The following ASF1B variants were observed in gnomAD, a reference collection of about 807,000 sequenced individuals.
ASF1B encodes histone chaperone ASF1B.
A neutral mutation model predicts 16.6 loss-of-function variants in ASF1B; 10 were observed. The ratio of observed to expected loss-of-function variants is 0.60; its 90% confidence interval spans 0.37 to 1.02. The LOEUF (loss-of-function observed/expected upper bound fraction) is 1.02. Ranked by LOEUF, ASF1B falls within the 50% of genes least tolerant of loss-of-function variation. The pLI is 0.01. For synonymous variants in ASF1B, 101 were observed against 106.2 expected (o/e 0.95, Z 0.30); for missense variants, 240 against 266.0 (o/e 0.90, Z 0.68).
intron 3 of ASF1B, 116 bp downstream of exon 3, chr19:14,121,416 C>G: frequency 2.6e-6 from 3 of 1,173,330 alleles, no homozygotes; most frequent in Non-Finnish European, 3.7e-6. Flanking sequence ...ACTGTAAGAA[C>G]TGAATATTAC....
chr19:14,126,275 T>A, intron 1 of ASF1B, 38 bp from the exon 2 acceptor site: 1 of 1,441,980 alleles, frequency 6.9e-7, no homozygotes, highest in Non-Finnish European at 9.7e-7. Flanking sequence ...TTGAAATAGC[T>A]CAACAGCAAG....
rs566307477 is a variant in ASF1B at position 14,126,045 on chromosome 19, G to A, written c.225+77C>T. ...TGAACTTGAACTTTTGATTCCTGAA[G>A]CACTCTGTGGGATTTCAGGTAAAAG... On this transcript the variant is annotated intron_variant, in intron 2 of 3. Coordinates refer to ENST00000263382, the MANE Select transcript of ASF1B (RefSeq NM_018154.3). The A allele has an allele frequency of 8.4e-6, 10 of 1,186,256 alleles. 1 individual carries two copies. The African/African-American group carries it at 1.1e-4, about 13-fold the overall frequency. 73.5% of individuals were successfully genotyped at this position (1,186,256 alleles called of 1,614,324 possible).
At chr19:14,133,121 A>AAAATAAATAAAT (rs150107917) in intron 1 of ASF1B, among the ~76,000 whole-genome samples, 1 of 149,188 alleles carries the variant, frequency 6.7e-6, no homozygotes, top group Admixed American at 6.7e-5. Flanking sequence ...CTCCATCTCA[A>AAAATAAATAAAT]AAATAAATAA....
At position 14,133,557 on chromosome 19, in the gene ASF1B, G is replaced by A. The variant is rs1045592098; in HGVS notation, c.109+2791C>T. 2.0e-5 allele frequency among the ~76,000 whole-genome samples: 3 copies of A among 151,648 alleles called. No individual in the cohort carries two copies. In the South Asian group the frequency reaches 6.3e-4, roughly 32 times the overall value. ...ATAGCAGGCACCTGTAATCCCAGCTGCTCGGGAGGCTGAGGCAGGAGAATC... is the reference window on the plus strand; with the variant it reads ...ATAGCAGGCACCTGTAATCCCAGCTACTCGGGAGGCTGAGGCAGGAGAATC... On this transcript the variant is annotated intron_variant, in intron 1 of 3. Coordinates refer to ENST00000263382, the MANE Select transcript of ASF1B (RefSeq NM_018154.3).
Position 14,120,353 on chromosome 19 carries a change from G to C in ASF1B, c.*106C>G, listed in dbSNP as rs907515083. 3.0e-5 allele frequency: 34 copies of C among 1,125,162 alleles called. No homozygotes were observed. The highest frequency in any genetic ancestry group is 4.1e-5 in the Non-Finnish European group (32 of 781,560). 69.7% of individuals were successfully genotyped at this position (1,125,162 alleles called of 1,614,324 possible). The stretch of plus-strand genomic sequence containing the variant: ...CCTAGGGGCTGAGTTTGACAGACCT[G>C]GATTGCAGCTGATGGCCCCCAAAGT... On this transcript the variant is annotated 3_prime_UTR_variant, in exon 4 of 4. Transcript: ENST00000263382.
Position 14,121,637 on chromosome 19 carries a change from G to A in ASF1B, c.297C>T (p.Cys99=). ...AVGVTVVLIT[C]TYHGQEFIRV... ...GGATGAACTCCTGTCCATGGTAGGT[G>A]CAGGTGATGAGGACCACAGTCACAC... The change falls in exon 3 of 4, where the codon TGC becomes TGT. Residue 99 remains cysteine (C), a synonymous_variant. Transcript: ENST00000263382. 6.2e-7 allele frequency: 1 copy of A among 1,613,958 alleles called. No individual in the cohort carries two copies. Among genetic ancestry groups the A allele is most frequent in the Non-Finnish European group, 8.5e-7 (1 of 1,179,982 alleles).
intron 1 of ASF1B, among the ~76,000 whole-genome samples, chr19:14,133,866 C>T (rs1967445319): frequency 7.4e-6 from 1 of 135,940 alleles, no homozygotes; most frequent in Admixed American, 7.8e-5. Flanking sequence ...TGCAGTGGCG[C>T]GATCTCGGCT....
chr19:14,121,575 G>A lies in ASF1B; in HGVS notation c.359C>T (p.Pro120Leu). Residue 120 changes from proline (P) to leucine (L), a missense_variant, in exon 3 of 4, where the codon CCT becomes CTT. By Grantham distance (98) the Pro-to-Leu change is moderately conservative. Transcript: ENST00000263382. ...GYYVNNEYLN[P>L]ELRENPPMKP... is the part of the protein sequence containing the mutation. ...CATGGGCGGGTTCTCACGCAGCTCA[G>A]GGTTGAGGTACTCGTTGTTGACGTA... 6.2e-7 allele frequency: 1 copy of A among 1,614,086 alleles called. No homozygotes were observed. The highest frequency in any genetic ancestry group is 8.5e-7 in the Non-Finnish European group (1 of 1,180,026).
intron 1 of ASF1B, among the ~76,000 whole-genome samples, chr19:14,130,787 G>GTGTATATATATATATATA (rs141600762): frequency 3.7e-4 from 53 of 142,452 alleles, no homozygotes; most frequent in African/African-American, 1.3e-3. Context: ...GTGTTTGTGT[G>GTGTATATATATATATATA]TATATATATA....
intron 2 of ASF1B, 146 bp from the exon 3 acceptor site, chr19:14,121,854 G>C: frequency 1.4e-6 from 1 of 709,008 alleles, no homozygotes; most frequent in Non-Finnish European, 2.2e-6. Context: ...TGCCTCTCGG[G>C]TTCAAACAAT....
chr19:14,130,667 C>T (rs144281038), intron 1 of ASF1B, among the ~76,000 whole-genome samples: 1 of 151,944 alleles, frequency 6.6e-6, no homozygotes, highest in East Asian at 1.9e-4. Flanking sequence ...GTACACATGA[C>T]GTGTGTACCT....
At chr19:14,135,827 A>T (rs1390437000) in intron 1 of ASF1B, among the ~76,000 whole-genome samples, 1 of 151,798 alleles carries the variant, frequency 6.6e-6, no homozygotes, top group Non-Finnish European at 1.5e-5. Context: ...GTATCTCACT[A>T]CAGGAAAGAG....
At chr19:14,126,893 C>T (rs1967326675) in intron 1 of ASF1B, among the ~76,000 whole-genome samples, 1 of 152,164 alleles carries the variant, frequency 6.6e-6, no homozygotes, top group South Asian at 2.1e-4. Context: ...AGGTGTGAGC[C>T]ACTGCGCCCG....
Position 14,136,587 on chromosome 19 carries a change from T to G in ASF1B, c.-131A>C, listed in dbSNP as rs920273741. ...CGCCTCTTCTCTCCGAGAACTGAAG[T>G]GCGCACCTAGTCCGCGCGCCGCCTT... On this transcript the variant is annotated 5_prime_UTR_variant, in exon 1 of 4. Coordinates refer to ENST00000263382, the MANE Select transcript of ASF1B (RefSeq NM_018154.3). 2.2e-5 allele frequency: 15 copies of G among 671,782 alleles called. No individual in the cohort carries two copies. The East Asian group carries it at 4.1e-4, about 18-fold the overall frequency. 41.6% of individuals were successfully genotyped at this position (671,782 alleles called of 1,614,324 possible).
chr19:14,120,554 A>G lies in ASF1B; in HGVS notation c.514T>C (p.Cys172Arg). Residue 172 changes from cysteine to arginine, a missense_variant, in exon 4 of 4, where the codon TGC (cysteine) becomes CGC (arginine). Cys to Arg is a radical substitution (Grantham distance 180). Coordinates refer to ENST00000263382, the MANE Select transcript of ASF1B (RefSeq NM_018154.3). ...GGAGTGCAGTTGAGTGGGAGGCCGC[A>G]GCCCAGGGAGGGGTCCTGGGTCTCT... Reference protein sequence around the residue: ...AIETQDPSLGCGLPLNCTPIK... With the variant: ...AIETQDPSLGRGLPLNCTPIK... 1.2e-6 allele frequency: 2 copies of G among 1,613,648 alleles called. No homozygotes were observed. Among genetic ancestry groups the G allele is most frequent in the Non-Finnish European group, 1.7e-6 (2 of 1,179,738 alleles).
chr19:14,129,618 T>C (rs894928067), intron 1 of ASF1B, among the ~76,000 whole-genome samples: 1 of 127,216 alleles, frequency 7.9e-6, no homozygotes, highest in African/African-American at 3.1e-5. Context: ...GCAGCAGAGA[T>C]TGCAGTGAGC....
chr19:14,125,717 T>C (rs1031578925), intron 2 of ASF1B, among the ~76,000 whole-genome samples: 1 of 152,166 alleles, frequency 6.6e-6, no homozygotes, highest in Admixed American at 6.5e-5. Flanking sequence ...CATGCTCTGC[T>C]GATTTTTACA....
In ASF1B at chr19:14,120,548, G is replaced by A. The variant is rs779333083; in HGVS notation, c.520C>T (p.Leu174Phe). The A allele has an allele frequency of 1.9e-6, 3 of 1,613,632 alleles. No homozygotes were observed. In the South Asian group the frequency reaches 3.3e-5, roughly 18 times the overall value. ...ETQDPSLGCGLPLNCTPIKGL... is the reference protein window; with the variant it reads ...ETQDPSLGCGFPLNCTPIKGL... Reference sequence around the variant, plus strand: ...TTGATAGGAGTGCAGTTGAGTGGGAGGCCGCAGCCCAGGGAGGGGTCCTGG... The same window carrying A: ...TTGATAGGAGTGCAGTTGAGTGGGAAGCCGCAGCCCAGGGAGGGGTCCTGG... Residue 174 changes from leucine (L) to phenylalanine (F), a missense_variant, in exon 4 of 4, where the codon CTC becomes TTC. Leu to Phe is a conservative substitution (Grantham distance 22). Coordinates refer to ENST00000263382, the MANE Select transcript of ASF1B (RefSeq NM_018154.3).
chr19:14,134,864 C>A (rs974584662), intron 1 of ASF1B, among the ~76,000 whole-genome samples: 1 of 152,046 alleles, frequency 6.6e-6, no homozygotes, highest in Non-Finnish European at 1.5e-5. Flanking sequence ...CACCCACCCC[C>A]CAGACTAGGT....
Sources: gnomAD v4.1 joint callset for allele counts (sites outside exome capture counted in the v4.1 genomes callset) on GRCh38, gnomAD v4.1.1 for gene constraint, MANE v1.5 for transcripts, NCBI Gene and HGNC (gene_info 2026-07-23, HGNC 2026-07-21) for gene names.